Variants in LARGE1 observed in about 807,000 individuals in gnomAD.
The protein encoded by LARGE1 is LARGE xylosyl- and glucuronyltransferase 1, also known as xylosyl- and glucuronyltransferase LARGE1.
LARGE1 carries 43 observed loss-of-function variants against 87.6 expected under a neutral mutation model. The observed-to-expected ratio is 0.49, with a 90% CI of 0.38 to 0.63. The LOEUF (loss-of-function observed/expected upper bound fraction) is 0.63. Among genes scored for constraint, LARGE1 ranks in the 30% least tolerant of loss-of-function variants. The pLI, the probability that LARGE1 is intolerant of heterozygous loss-of-function variation, is 0.00. For synonymous variants in LARGE1, 434 were observed against 394.6 expected, an observed-to-expected ratio of 1.10 and a Z score of -1.18; for missense variants, 802 against 1,000.2, an observed-to-expected ratio of 0.80 and a Z score of 2.67.
intron 11 of LARGE1, among the ~76,000 whole-genome samples, chr22:33,313,704 GA>G (rs1935851015): frequency 6.6e-6 from 1 of 152,192 alleles, no homozygotes; most frequent in Non-Finnish European, 1.5e-5. Context: ...AGCCAGCAAG[GA>G]AATGGGACCT....
At chr22:33,714,780 C>G (rs1407064966) in intron 2 of LARGE1, among the ~76,000 whole-genome samples, 1 of 152,194 alleles carries the variant, frequency 6.6e-6, no homozygotes, top group Non-Finnish European at 1.5e-5. Context: ...ATTCAAACCC[C>G]ACTCTGCTCC....
chr22:33,554,042 G>A (rs1390513329), intron 6 of LARGE1, among the ~76,000 whole-genome samples: 1 of 152,118 alleles, frequency 6.6e-6, no homozygotes. Flanking sequence ...TCAACGCAGC[G>A]GCAGCTGGAG....
intron 1 of LARGE1, among the ~76,000 whole-genome samples, chr22:33,853,838 T>C (rs764065718): frequency 6.6e-6 from 1 of 152,100 alleles, no homozygotes; most frequent in Admixed American, 6.5e-5. Flanking sequence ...GGATGGAAAA[T>C]AGAAGTATGC....
At chr22:33,290,888 A>T (rs189184446) in intron 12 of LARGE1, among the ~76,000 whole-genome samples, 23 of 152,112 alleles carry the variant, frequency 1.5e-4, no homozygotes, top group African/African-American at 5.3e-4. Flanking sequence ...AAAATACAAA[A>T]ATTAGCTGGG....
At chr22:33,264,847 C>T (rs1192201717) in intron 11 of LARGE1, among the ~76,000 whole-genome samples, 1 of 143,940 alleles carries the variant, frequency 6.9e-6, no homozygotes, top group Non-Finnish European at 1.5e-5. Flanking sequence ...CCTGCTAAGT[C>T]ATTTTAGAGG....
At chr22:33,146,901 G>A in the LARGE1 span, among the ~76,000 whole-genome samples, 1 of 152,142 alleles carries the variant, frequency 6.6e-6, no homozygotes, top group Non-Finnish European at 1.5e-5. Flanking sequence ...CCAGTCTACA[G>A]CCGTGTCTGT....
At chr22:33,205,477 C>T (rs1924627919) in intron 11 of LARGE1, among the ~76,000 whole-genome samples, 1 of 152,134 alleles carries the variant, frequency 6.6e-6, no homozygotes, top group Non-Finnish European at 1.5e-5. Flanking sequence ...ATAAATAGCA[C>T]ATAAACAAAT....
the LARGE1 span, among the ~76,000 whole-genome samples, chr22:33,134,301 C>G: frequency 6.7e-6 from 1 of 149,346 alleles, no homozygotes; most frequent in Admixed American, 6.7e-5. Context: ...CTCTGTCGCC[C>G]AGGCTTGAGT....
Position 33,382,013 on chromosome 22 carries a change from G to A in LARGE1, c.1037C>T (p.Pro346Leu). Residue 346 changes from proline (P) to leucine (L), a missense_variant, in exon 9 of 15, where the codon CCC becomes CTC. Transcript: ENST00000397394. ...DIFNAVIKQN[P>L]FLVYQLPCFW... ...GCAGGGGAGCTGGTACACAAGGAAGGGGTTTTGTTTGATGACGGCATTGAA... is the reference window on the plus strand; with the variant it reads ...GCAGGGGAGCTGGTACACAAGGAAGAGGTTTTGTTTGATGACGGCATTGAA... 1 of 1,614,146 alleles carries A rather than the reference G, an allele frequency of 6.2e-7. No homozygotes were observed. The highest frequency in any genetic ancestry group is 8.5e-7 in the Non-Finnish European group (1 of 1,180,014).
At chr22:33,660,290 T>G (rs563464655) in intron 2 of LARGE1, among the ~76,000 whole-genome samples, 1 of 152,292 alleles carries the variant, frequency 6.6e-6, no homozygotes, top group African/African-American at 2.4e-5. Flanking sequence ...CCAAAAAAGA[T>G]AATGTATTTA....
At chr22:33,622,193 G>T (rs560617796) in intron 4 of LARGE1, among the ~76,000 whole-genome samples, 1 of 152,268 alleles carries the variant, frequency 6.6e-6, no homozygotes, top group East Asian at 1.9e-4. Context: ...ATCCCCATGT[G>T]TCAAGGGAGA....
chr22:33,131,793 G>C, the LARGE1 span, among the ~76,000 whole-genome samples: 1 of 144,118 alleles, frequency 6.9e-6, no homozygotes, highest in Non-Finnish European at 1.5e-5. Flanking sequence ...CAGCCAAACC[G>C]TATCACCTCT....
At chr22:33,763,220 G>A (rs1432908876) in intron 1 of LARGE1, among the ~76,000 whole-genome samples, 2 of 152,094 alleles carry the variant, frequency 1.3e-5, no homozygotes, top group Non-Finnish European at 2.9e-5. Flanking sequence ...CTATCCAAAG[G>A]CCACCCTCTC....
At chr22:33,799,796 G>A (rs530844281) in intron 1 of LARGE1, among the ~76,000 whole-genome samples, 1 of 152,292 alleles carries the variant, frequency 6.6e-6, no homozygotes, top group African/African-American at 2.4e-5. Context: ...GTAATATGGA[G>A]GAAGAAGACT....
At chr22:33,729,977 T>TGTGCATGCGTGTGTGTGTGC (rs1569411370) in intron 2 of LARGE1, among the ~76,000 whole-genome samples, 3 of 152,034 alleles carry the variant, frequency 2.0e-5, no homozygotes, top group African/African-American at 4.8e-5. Flanking sequence ...TGTGTGCGTG[T>TGTGCATGCGTGTGTGTGTGC]GTGCATGCGT....
the LARGE1 span, among the ~76,000 whole-genome samples, chr22:33,104,885 CTCTCTCTTTCTT>C: frequency 3.6e-3 from 105 of 29,528 alleles, no homozygotes; most frequent in African/African-American, 5.9e-3. Context: ...AATAGACTTT[CTCTCTCTTTCTT>C]TCTTTCTTTC....
rs759460321 is a variant in LARGE1 at position 33,457,293 on chromosome 22, CTTTTTTTTTTTT to C, written c.788-25040_788-25029del. Among the ~76,000 whole-genome samples, 517 of 74,934 alleles carry C rather than the reference CTTTTTTTTTTTT, an allele frequency of 6.9e-3. 2 individuals are homozygous for C. The highest frequency in any genetic ancestry group is 0.027 in the Middle Eastern group (3 of 112). The allele number at this position is 74,934 out of a possible 152,430, so 49.2% of individuals were successfully genotyped here. ...CAGGTGCCTGCCACCACGCCTGGCT[CTTTTTTTTTTTT>C]TTTTTTTTTTTTTTTTTTGTATTTT... On this transcript the variant is annotated intron_variant, in intron 6 of 14. Transcript: ENST00000397394.
intron 11 of LARGE1, among the ~76,000 whole-genome samples, chr22:33,219,129 G>A (rs1010859710): frequency 4.6e-5 from 7 of 152,206 alleles, no homozygotes; most frequent in African/African-American, 1.7e-4. Context: ...AATGTATTGA[G>A]GCACTGAAAT....
At chr22:33,735,283 G>C (rs1048103864) in intron 2 of LARGE1, among the ~76,000 whole-genome samples, 3 of 152,064 alleles carry the variant, frequency 2.0e-5, no homozygotes, top group South Asian at 4.1e-4. Context: ...CCTTTGTTTT[G>C]TTACTTACCT....
Sources: allele counts gnomAD v4.1 joint callset (sites outside exome capture counted in the v4.1 genomes callset), GRCh38; gene constraint gnomAD v4.1.1; transcripts MANE v1.5; gene names NCBI Gene and HGNC (gene_info 2026-07-23, HGNC 2026-07-21).